The following LPP variants were observed in gnomAD, a reference collection of about 807,000 sequenced individuals.
The protein encoded by LPP is lipoma-preferred partner.
A neutral mutation model predicts 60.4 loss-of-function variants in LPP; 38 were observed. That is an observed-to-expected ratio of 0.63 (90% CI 0.49 to 0.83). The LOEUF (loss-of-function observed/expected upper bound fraction) is 0.83. LPP is among the 40% of genes least tolerant of loss of function. LPP has a pLI of 0.00. For missense variants in LPP, 902 were observed against 783.6 expected (o/e 1.15, Z -1.80); for synonymous variants, 328 against 290.8 (o/e 1.13, Z -1.30).
At chr3:188,325,569 T>C (rs549645159) in intron 2 of LPP, among the ~76,000 whole-genome samples, 1 of 152,358 alleles carries the variant, frequency 6.6e-6, no homozygotes, top group African/African-American at 2.4e-5. Flanking sequence ...AAAGAGTGAT[T>C]ACCATGCTTT....
chr3:188,303,063 T>A (rs1053413579), intron 2 of LPP, among the ~76,000 whole-genome samples: 1 of 152,188 alleles, frequency 6.6e-6, no homozygotes, highest in African/African-American at 2.4e-5. Context: ...CTCAACACTG[T>A]GCTATGTGGG....
chr3:188,856,508 C>T (rs568594280), intron 9 of LPP, among the ~76,000 whole-genome samples: 3 of 152,130 alleles, frequency 2.0e-5, no homozygotes, highest in South Asian at 2.1e-4. Context: ...TTCTCTCCAG[C>T]GAAAAGAGCT....
At chr3:188,353,752 G>A in intron 3 of LPP, among the ~76,000 whole-genome samples, 1 of 152,152 alleles carries the variant, frequency 6.6e-6, no homozygotes, top group East Asian at 1.9e-4. Context: ...TATGCTTTGG[G>A]TAACACTTTA....
At chr3:188,779,648 CA>C (rs1450628879) in intron 9 of LPP, among the ~76,000 whole-genome samples, 1 of 151,878 alleles carries the variant, frequency 6.6e-6, no homozygotes, top group Non-Finnish European at 1.5e-5. Flanking sequence ...AAATGGATGC[CA>C]TTTTTTTTAA....
In LPP at chr3:188,878,707, G is replaced by A. The variant is rs1769536308; in HGVS notation, c.*4228G>A. The A allele has an allele frequency of 1.1e-5, 2 of 179,864 alleles. No individual in the cohort carries two copies. The highest frequency in any genetic ancestry group is 4.1e-4 in the South Asian group (2 of 4,862). The allele number at this position is 179,864 out of a possible 1,614,324, so 11.1% of individuals were successfully genotyped here. ...AATATTCCACTGAAGAGTCAATGAT[G>A]TAAATGATAACCACCAAATCTCAAA... On this transcript the variant is annotated 3_prime_UTR_variant, in exon 12 of 12. Coordinates refer to ENST00000617246, the MANE Select transcript of LPP (RefSeq NM_001375462.1).
intron 9 of LPP, among the ~76,000 whole-genome samples, chr3:188,813,785 A>G (rs963753207): frequency 5.9e-5 from 9 of 152,116 alleles, no homozygotes; most frequent in African/African-American, 1.7e-4. Context: ...CAAAACATCT[A>G]TTGGCTGGGC....
chr3:188,495,116 T>G (rs1249124612), intron 5 of LPP, among the ~76,000 whole-genome samples: 3 of 128,408 alleles, frequency 2.3e-5, no homozygotes, highest in African/African-American at 8.3e-5. Flanking sequence ...TTTTTATATA[T>G]TTATATTTAT....
At chr3:188,200,897 A>G (rs2149086369) in intron 1 of LPP, among the ~76,000 whole-genome samples, 1 of 152,340 alleles carries the variant, frequency 6.6e-6, no homozygotes, top group Non-Finnish European at 1.5e-5. Flanking sequence ...ACACTGTAAT[A>G]TAATTACACT....
intron 3 of LPP, among the ~76,000 whole-genome samples, chr3:188,350,904 C>T (rs1765662728): frequency 2.0e-5 from 3 of 152,322 alleles, no homozygotes; most frequent in African/African-American, 7.2e-5. Flanking sequence ...AAATACACCC[C>T]TTGCCATTTT....
intron 7 of LPP, among the ~76,000 whole-genome samples, chr3:188,649,029 A>G (rs973213167): frequency 1.3e-5 from 2 of 152,226 alleles, no homozygotes; most frequent in Non-Finnish European, 2.9e-5. Flanking sequence ...AAATGTTTTT[A>G]TCACTGTGTT....
intron 3 of LPP, among the ~76,000 whole-genome samples, chr3:188,379,429 A>G (rs914527285): frequency 2.0e-5 from 3 of 152,168 alleles, no homozygotes; most frequent in Non-Finnish European, 4.4e-5. Context: ...CAAAGAGTAG[A>G]ATTCAGTAAT....
At chr3:188,709,511 C>G (rs1404223077) in intron 8 of LPP, 1 of 152,136 alleles carries the variant, frequency 6.6e-6, no homozygotes, top group Non-Finnish European at 1.5e-5. Flanking sequence ...TGCCCACCGC[C>G]ACACCTGGCT....
intron 4 of LPP, among the ~76,000 whole-genome samples, chr3:188,410,777 A>G (rs567734858): frequency 6.6e-6 from 1 of 152,056 alleles, no homozygotes; most frequent in African/African-American, 2.4e-5. Context: ...TTTGGGGAAC[A>G]GGTGGTTTTT....
chr3:188,810,794 A>C (rs912576782), intron 9 of LPP, among the ~76,000 whole-genome samples: 2 of 152,050 alleles, frequency 1.3e-5, no homozygotes, highest in Non-Finnish European at 2.9e-5. Context: ...GCTTGTTTTA[A>C]ATTATTGTAT....
chr3:188,651,089 A>G (rs761394790), intron 7 of LPP, among the ~76,000 whole-genome samples: 13 of 152,222 alleles, frequency 8.5e-5, no homozygotes, highest in African/African-American at 1.4e-4. Context: ...ATGATGTAGA[A>G]CAATTAAAAA....
intron 2 of LPP, among the ~76,000 whole-genome samples, chr3:188,244,830 C>T (rs552789826): frequency 1.3e-5 from 2 of 152,306 alleles, no homozygotes; most frequent in South Asian, 4.1e-4. Flanking sequence ...TGAACTCAGC[C>T]ATGTCCTGCT....
intron 4 of LPP, among the ~76,000 whole-genome samples, chr3:188,407,799 T>TTTTTTTTTG (rs1784008005): frequency 5.8e-5 from 8 of 138,484 alleles, no homozygotes; most frequent in East Asian, 2.2e-4. Context: ...TTTTTTTTTT[T>TTTTTTTTTG]TTTTTTTTGA....
chr3:188,370,703 G>GT (rs970440436), intron 3 of LPP, among the ~76,000 whole-genome samples: 1 of 152,046 alleles, frequency 6.6e-6, no homozygotes, highest in Non-Finnish European at 1.5e-5. Context: ...GGGCAGAATG[G>GT]TTTTTTTCTC....
intron 5 of LPP, among the ~76,000 whole-genome samples, chr3:188,488,393 AAC>A (rs779468250): frequency 7.8e-6 from 1 of 127,646 alleles, no homozygotes; most frequent in Non-Finnish European, 1.9e-5. Context: ...CAACTTGGAA[AAC>A]AGGGGAAGGA....
Sources: gnomAD v4.1 joint callset for allele counts (sites outside exome capture counted in the v4.1 genomes callset) on GRCh38, gnomAD v4.1.1 for gene constraint, MANE v1.5 for transcripts, NCBI Gene and HGNC (gene_info 2026-07-23, HGNC 2026-07-21) for gene names.